KLHL3: variants seen among roughly 807,000 people sequenced by gnomAD.
The protein encoded by KLHL3 is kelch-like protein 3.
In KLHL3, 19 loss-of-function variants were observed where a neutral mutation model predicts 70.5. The ratio of observed to expected loss-of-function variants is 0.27; its 90% CI spans 0.19 to 0.40. The LOEUF is 0.40. Among genes scored for constraint, KLHL3 ranks in the 10% least tolerant of loss-of-function variants. The pLI is 1.00. For synonymous variants in KLHL3, 258 were observed against 290.3 expected (o/e 0.89, Z 1.13); for missense variants, 512 against 771.1 (o/e 0.66, Z 3.98).
At chr5:137,703,408 A>G (rs1358335075) in intron 3 of KLHL3, among the ~76,000 whole-genome samples, 1 of 152,234 alleles carries the variant, frequency 6.6e-6, no homozygotes, top group African/African-American at 2.4e-5. Flanking sequence ...GCTGAGCACT[A>G]AGGCCAAAGA....
chr5:137,727,417 A>G (rs374777124), intron 1 of KLHL3, among the ~76,000 whole-genome samples: 3 of 152,180 alleles, frequency 2.0e-5, no homozygotes, highest in Non-Finnish European at 4.4e-5. Flanking sequence ...CAAAATGTCA[A>G]TGTGTTCCAG....
In KLHL3 at chr5:137,727,062, CT is replaced by C. The variant is rs1216864112; in HGVS notation, c.15-6479del. On this transcript the variant is annotated intron_variant, in intron 1 of 14. Transcript: ENST00000309755. ...ATATCCAATGTCTTATTTGACTCCC[CT>C]AATTAGATTTTACACAGGTAATTCA... Among the ~76,000 whole-genome samples the C allele has an allele frequency of 2.0e-5, 3 of 152,048 alleles. No homozygotes were observed. The East Asian group carries it at 5.8e-4, about 29-fold the overall frequency.
At chr5:137,630,989 C>T (rs973228251) in intron 12 of KLHL3, among the ~76,000 whole-genome samples, 1 of 142,008 alleles carries the variant, frequency 7.0e-6, no homozygotes, top group Non-Finnish European at 1.5e-5. Context: ...ATTAAAATAG[C>T]ATACTTTTTA....
At chr5:137,629,829 A>ATGC (rs1464616906) in intron 12 of KLHL3, 2 of 152,146 alleles carry the variant, frequency 1.3e-5, no homozygotes, top group African/African-American at 2.4e-5. Flanking sequence ...CCTTTCCTCC[A>ATGC]TGCTCAGCAG....
chr5:137,636,509 C>A (rs772385423), intron 11 of KLHL3, among the ~76,000 whole-genome samples: 17 of 152,188 alleles, frequency 1.1e-4, no homozygotes, highest in Non-Finnish European at 2.2e-4. Flanking sequence ...AGAACTCCTA[C>A]CTACTGGCAT....
intron 6 of KLHL3, among the ~76,000 whole-genome samples, chr5:137,668,658 C>T (rs1269759539): frequency 6.6e-6 from 1 of 152,176 alleles, no homozygotes; most frequent in Non-Finnish European, 1.5e-5. Flanking sequence ...TAAATGAAAG[C>T]TTAACAAGAC....
chr5:137,725,694 T>A (rs1405848498), intron 1 of KLHL3, among the ~76,000 whole-genome samples: 1 of 152,212 alleles, frequency 6.6e-6, no homozygotes, highest in South Asian at 2.1e-4. Flanking sequence ...TCAGAACACA[T>A]GAATCTAGTC....
At position 137,735,620 on chromosome 5, in the gene KLHL3, T is replaced by C; in HGVS notation, c.14+13A>G. On this transcript the variant is annotated intron_variant, in intron 1 of 14. Transcript: ENST00000309755. ...ATACACACACAACACAGCACACACT[T>C]ATACATACATACCTTTCACCCTCCA... is the stretch of plus-strand genomic sequence containing the variant. 1 of 1,598,952 alleles carries C rather than the reference T, an allele frequency of 6.3e-7. No homozygotes were observed. Among genetic ancestry groups the C allele is most frequent in the South Asian group, 1.1e-5 (1 of 90,770 alleles).
chr5:137,638,830 T>C, intron 10 of KLHL3, 123 bp downstream of exon 10: 2 of 885,282 alleles, frequency 2.3e-6, no homozygotes, highest in South Asian at 1.7e-5. Context: ...GAAGAGTGGA[T>C]ATGTCCCTGG....
At chr5:137,668,554 T>C (rs1331276779) in intron 6 of KLHL3, among the ~76,000 whole-genome samples, 2 of 152,182 alleles carry the variant, frequency 1.3e-5, no homozygotes, top group African/African-American at 4.8e-5. Context: ...ATTGAGGCAA[T>C]ACCATTTACC....
intron 10 of KLHL3, 141 bp downstream of exon 10, chr5:137,638,812 A>G: frequency 1.3e-6 from 1 of 768,172 alleles, no homozygotes. Context: ...CAAAAGCTGG[A>G]TGAGGAAGAA....
rs565939188 is a variant in KLHL3, at chr5:137,732,747, C to T, written c.14+2886G>A. The stretch of plus-strand genomic sequence containing the variant: ...CAATGATAATAGCAACTACCATCTA[C>T]TGAGTACTCACTCTGTGCCTAAAAA... On this transcript the variant is annotated intron_variant, in intron 1 of 14. Transcript: ENST00000309755. Among the ~76,000 whole-genome samples the T allele has an allele frequency of 2.7e-4, 41 of 152,290 alleles. No individual in the cohort carries two copies. The South Asian group carries it at 8.5e-3, about 32-fold the overall frequency.
At chr5:137,730,236 A>C (rs1484638568) in intron 1 of KLHL3, among the ~76,000 whole-genome samples, 4 of 152,138 alleles carry the variant, frequency 2.6e-5, no homozygotes, top group Non-Finnish European at 4.4e-5. Context: ...TTTAATAACA[A>C]TGTCCACTGA....
chr5:137,665,910 G>T (rs1198212832), intron 6 of KLHL3, among the ~76,000 whole-genome samples: 1 of 152,142 alleles, frequency 6.6e-6, no homozygotes, highest in African/African-American at 2.4e-5. Context: ...GAAAAGGAAA[G>T]GAGTAGTATG....
At chr5:137,678,408 T>TA (rs1346218423) in intron 5 of KLHL3, among the ~76,000 whole-genome samples, 3 of 152,232 alleles carry the variant, frequency 2.0e-5, no homozygotes, top group Non-Finnish European at 4.4e-5. Context: ...ATCATCCTGC[T>TA]ATTAGAGAAT....
In KLHL3 at chr5:137,621,953, A is replaced by G; in HGVS notation, c.*145T>C. ...TGGTGTCCACACTGCGATGAACAACACCAGTCTGCCAAGTCAGAGGAGAGC... is the reference window on the plus strand; with the variant it reads ...TGGTGTCCACACTGCGATGAACAACGCCAGTCTGCCAAGTCAGAGGAGAGC... On this transcript the variant is annotated 3_prime_UTR_variant, in exon 15 of 15. Coordinates refer to ENST00000309755, the MANE Select transcript of KLHL3 (RefSeq NM_017415.3). 1.2e-6 allele frequency: 1 copy of G among 847,086 alleles called. No homozygotes were observed. The highest frequency in any genetic ancestry group is 2.0e-6 in the Non-Finnish European group (1 of 497,044). The allele number at this position is 847,086 out of a possible 1,614,324, so 52.5% of individuals were successfully genotyped here. A position where few individuals can be genotyped will look rare whatever the true frequency, so the allele number is the denominator to read the frequency against.
At chr5:137,706,182 G>A (rs762962368) in intron 3 of KLHL3, 8 of 985,282 alleles carry the variant, frequency 8.1e-6, no homozygotes, top group Non-Finnish European at 8.4e-6. Context: ...ATTTAAGCTT[G>A]AGTAAAAGAC....
intron 5 of KLHL3, among the ~76,000 whole-genome samples, chr5:137,680,848 CA>C (rs1290281894): frequency 8.5e-5 from 13 of 152,048 alleles, no homozygotes; most frequent in Admixed American, 8.5e-4. Context: ...CCGGCAGCAC[CA>C]CTCTTTAACA....
At chr5:137,722,595 A>T (rs778543273) in intron 1 of KLHL3, among the ~76,000 whole-genome samples, 2 of 152,274 alleles carry the variant, frequency 1.3e-5, no homozygotes, top group Non-Finnish European at 1.5e-5. Context: ...CTTTACTATA[A>T]AGCTAGAAAA....
Sources: allele counts gnomAD v4.1 joint callset (sites outside exome capture counted in the v4.1 genomes callset), GRCh38; gene constraint gnomAD v4.1.1; transcripts MANE v1.5; gene names NCBI Gene and HGNC (gene_info 2026-07-23, HGNC 2026-07-21).